AK8: variants seen among roughly 807,000 people sequenced by gnomAD.
The protein encoded by AK8 is ATP-AMP transphosphorylase 8.
AK8 carries 44 observed loss-of-function variants against 54.6 expected under a neutral mutation model. The ratio of observed to expected loss-of-function variants is 0.81; its 90% confidence interval spans 0.63 to 1.04. The LOEUF (loss-of-function observed/expected upper bound fraction) is 1.04, where lower values mean the gene tolerates loss of function less well. Among genes scored for constraint, AK8 ranks in the 50% least tolerant of loss-of-function variants. The probability of loss-of-function intolerance (pLI) is 0.00; values close to 1 mark genes in which losing one functional copy is unlikely to be tolerated. For missense variants in AK8, 555 were observed against 613.6 expected (o/e 0.90, Z 1.01); for synonymous variants, 239 against 245.6 (o/e 0.97, Z 0.25).
In AK8 at chr9:132,837,688, G is replaced by A. The variant is rs1271748199; in HGVS notation, c.403-8962C>T. Among the ~76,000 whole-genome samples, 2 of 152,150 alleles carry A rather than the reference G, an allele frequency of 1.3e-5. No homozygotes were observed. The highest frequency in any genetic ancestry group is 2.9e-5 in the Non-Finnish European group (2 of 68,038). The stretch of plus-strand genomic sequence containing the variant: ...TGTCCACATGGAGTGCTACGGCTCT[G>A]TATGCAGACACATGATCCACACGTG... On this transcript the variant is annotated intron_variant, in intron 5 of 12. Transcript: ENST00000298545. This position sits in a 1 kb window ranked among gnomAD's most constrained non-coding sequence, Gnocchi z 4.3.
chr9:132,854,595 T>C (rs1047855916), intron 5 of AK8, among the ~76,000 whole-genome samples: 5 of 152,262 alleles, frequency 3.3e-5, no homozygotes, highest in African/African-American at 1.2e-4. Flanking sequence ...GATTGTCCTG[T>C]CATTAAATGC....
At chr9:132,853,556 G>A (rs2096033077) in intron 5 of AK8, among the ~76,000 whole-genome samples, 1 of 152,022 alleles carries the variant, frequency 6.6e-6, no homozygotes, top group South Asian at 2.1e-4. Context: ...AACACATTGG[G>A]AGGCCAAGGC....
chr9:132,855,174 T>G (rs1437962429), intron 4 of AK8, among the ~76,000 whole-genome samples: 1 of 151,922 alleles, frequency 6.6e-6, no homozygotes, highest in African/African-American at 2.4e-5. Flanking sequence ...CTCGCCCACC[T>G]CCACCTGAAT....
At chr9:132,727,378 C>T (rs538896732) in intron 12 of AK8, 76 bp downstream of exon 12, 2 of 1,354,966 alleles carry the variant, frequency 1.5e-6, no homozygotes, top group African/African-American at 2.9e-5. Context: ...GTGTTTCCAC[C>T]ATGGCATTGG....
At chr9:132,760,058 G>C (rs1838380359) in intron 11 of AK8, among the ~76,000 whole-genome samples, 1 of 152,206 alleles carries the variant, frequency 6.6e-6, no homozygotes. Flanking sequence ...CCATGAACGA[G>C]ACATTGCCTC....
At chr9:132,875,899 C>T (rs1844076249) in intron 1 of AK8, among the ~76,000 whole-genome samples, 1 of 152,336 alleles carries the variant, frequency 6.6e-6, no homozygotes, top group Admixed American at 6.5e-5. Context: ...CAGAATGTTA[C>T]CAGCCAGATT....
At chr9:132,780,668 G>A (rs1839424978) in intron 11 of AK8, among the ~76,000 whole-genome samples, 3 of 152,186 alleles carry the variant, frequency 2.0e-5, no homozygotes, top group Admixed American at 1.3e-4. Context: ...TTTCCAGTTT[G>A]CACAAAATGA....
At chr9:132,800,213 CTCGCTGCCG>C (rs1840377371) in intron 10 of AK8, among the ~76,000 whole-genome samples, 1 of 152,214 alleles carries the variant, frequency 6.6e-6, no homozygotes. Flanking sequence ...GCAAGCCCGT[CTCGCTGCCG>C]TCACCAGAAA....
intron 4 of AK8, among the ~76,000 whole-genome samples, chr9:132,856,851 G>A (rs1427450625): frequency 2.6e-5 from 4 of 152,312 alleles, no homozygotes; most frequent in East Asian, 1.9e-4. Flanking sequence ...CTTTTCCAGG[G>A]ATGGGGAATG....
rs373757655 is a variant in AK8, at chr9:132,792,562, C to G, written c.1121+72G>C. ...GTGAAGGCTTGTGTAACCTGGACCC[C>G]TTCAGCTGAGCCCTGGAGAGGGGGT... On this transcript the variant is annotated intron_variant, in intron 11 of 12. Coordinates refer to ENST00000298545, the MANE Select transcript of AK8 (RefSeq NM_152572.3). 2.6e-5 allele frequency: 39 copies of G among 1,500,968 alleles called. No individual in the cohort carries two copies. The East Asian group carries it at 8.5e-4, about 33-fold the overall frequency. 93.0% of individuals were successfully genotyped at this position (1,500,968 alleles called of 1,614,324 possible). A position where few individuals can be genotyped will look rare whatever the true frequency, so the allele number is the denominator to read the frequency against.
At chr9:132,853,526 C>T (rs1275709364) in intron 5 of AK8, among the ~76,000 whole-genome samples, 1 of 151,330 alleles carries the variant, frequency 6.6e-6, no homozygotes, top group Non-Finnish European at 1.5e-5. Flanking sequence ...CTGGGTGTGG[C>T]GGCTCATGCC....
rs375829164 is a variant in AK8 at position 132,827,003 on chromosome 9, C to T, written c.608G>A (p.Arg203His). ...TGAGATGTCCTCTGGCACCATGAGA[C>T]GGTTCTGGATTTCAGATTCGGGTGG... ...DWPPESEIQN[R>H]LMVPEDISEL... Residue 203 changes from arginine (R) to histidine (H), a missense_variant, in exon 8 of 13, where the codon CGT (arginine) becomes CAT (histidine). Transcript: ENST00000298545. 19 of 1,614,122 alleles carry T rather than the reference C, an allele frequency of 1.2e-5. No homozygotes were observed. Among genetic ancestry groups the T allele is most frequent in the Middle Eastern group, 3.3e-4 (2 of 6,084 alleles).
At chr9:132,835,238 C>T (rs10117989) in intron 5 of AK8, among the ~76,000 whole-genome samples, 54,519 of 152,002 alleles carry the variant, frequency 0.36, 11,854 homozygotes, top group South Asian at 0.57. Context: ...ATCTATGGTG[C>T]CCCTGAAGCC....
intron 10 of AK8, among the ~76,000 whole-genome samples, chr9:132,797,274 C>G (rs1840218104): frequency 6.6e-6 from 1 of 151,880 alleles, no homozygotes; most frequent in African/African-American, 2.4e-5. Context: ...GTACTGGGCC[C>G]ACGGAAAGCA....
intron 12 of AK8, 61 bp from the exon 13 acceptor site, chr9:132,725,986 G>A (rs1488398381): frequency 1.3e-6 from 2 of 1,486,716 alleles, no homozygotes; most frequent in Non-Finnish European, 1.9e-6. Flanking sequence ...GGGAGAAAGG[G>A]ACCCTCTACT....
intron 4 of AK8, among the ~76,000 whole-genome samples, chr9:132,859,164 G>A (rs1428893904): frequency 6.6e-6 from 1 of 152,226 alleles, no homozygotes; most frequent in East Asian, 1.9e-4. Context: ...GGACTGGGAA[G>A]CAACATCTGT....
In AK8 at chr9:132,828,165, G is replaced by T; in HGVS notation, c.485-81C>A. ...ATTTGAATATCACAGACCAATACTT[G>T]CTTTACGTTTTTTGCTTTTCTGTAT... On this transcript the variant is annotated intron_variant, in intron 6 of 12. Coordinates refer to ENST00000298545, the MANE Select transcript of AK8 (RefSeq NM_152572.3). The T allele has an allele frequency of 8.6e-6, 11 of 1,282,770 alleles. 1 individual carries two copies. The highest frequency in any genetic ancestry group is 1.2e-5 in the Non-Finnish European group (11 of 919,874). The allele number at this position is 1,282,770 out of a possible 1,614,324, so 79.5% of individuals were successfully genotyped here.
At chr9:132,876,393 T>C (rs1275000606) in intron 1 of AK8, among the ~76,000 whole-genome samples, 1 of 151,306 alleles carries the variant, frequency 6.6e-6, no homozygotes, top group Non-Finnish European at 1.5e-5. Context: ...TCACTTAGGA[T>C]GAGGCAAAAG....
At chr9:132,733,846 G>C (rs555405174) in intron 11 of AK8, among the ~76,000 whole-genome samples, 2 of 152,300 alleles carry the variant, frequency 1.3e-5, no homozygotes, top group African/African-American at 4.8e-5. Flanking sequence ...GTGTGGGTGA[G>C]GGTAGTGGGT....
Sources: allele counts gnomAD v4.1 joint callset (sites outside exome capture counted in the v4.1 genomes callset), GRCh38; gene constraint gnomAD v4.1.1; non-coding constraint Gnocchi (gnomAD v3.1); transcripts MANE v1.5; gene names NCBI Gene and HGNC (gene_info 2026-07-23, HGNC 2026-07-21).